The following MAEL variants were observed in gnomAD, a reference collection of about 807,000 sequenced individuals.
MAEL encodes the protein protein maelstrom homolog.
A neutral mutation model predicts 62.0 loss-of-function variants in MAEL; 46 were observed. That is an observed-to-expected ratio of 0.74 (90% CI 0.59 to 0.95). The LOEUF is 0.95. Among genes scored for constraint, MAEL ranks in the 40% least tolerant of loss-of-function variants. The pLI is 0.00. For missense variants in MAEL, 497 were observed against 526.8 expected (o/e 0.94, Z 0.55); for synonymous variants, 172 against 175.5 (o/e 0.98, Z 0.16).
At chr1:167,005,023 G>A (rs1365138243) in intron 6 of MAEL, 53 bp from the exon 7 acceptor site, 3 of 1,548,184 alleles carry the variant, frequency 1.9e-6, no homozygotes, top group Non-Finnish European at 1.8e-6. Context: ...TTCAAAGTAG[G>A]AGAAGATACA....
At chr1:166,999,034 C>G (rs1423855908) in intron 5 of MAEL, among the ~76,000 whole-genome samples, 4 of 152,172 alleles carry the variant, frequency 2.6e-5, no homozygotes, top group Non-Finnish European at 4.4e-5. Context: ...TGCCTCATCT[C>G]TTTCCCTTTC....
At chr1:167,006,756 C>T (rs570913117) in intron 8 of MAEL, among the ~76,000 whole-genome samples, 5 of 150,938 alleles carry the variant, frequency 3.3e-5, no homozygotes, top group African/African-American at 1.2e-4. Context: ...GTGCCTCAGC[C>T]TCTCGAGTAG....
At chr1:166,988,413 G>A (rs891473169), upstream of MAEL, among the ~76,000 whole-genome samples, 3 of 134,342 alleles carry the variant, frequency 2.2e-5, no homozygotes, top group African/African-American at 5.5e-5. Flanking sequence ...AAAAGATCCA[G>A]AAATTTAGCA....
intron 8 of MAEL, among the ~76,000 whole-genome samples, chr1:167,014,208 C>T (rs1665285131): frequency 6.6e-6 from 1 of 152,232 alleles, no homozygotes; most frequent in Non-Finnish European, 1.5e-5. Context: ...TGCCTGTCAT[C>T]TTCACAGCGT....
At chr1:166,977,587 T>G (rs1663630364) in intron 1 of MAEL, among the ~76,000 whole-genome samples, 1 of 152,250 alleles carries the variant, frequency 6.6e-6, no homozygotes, top group South Asian at 2.1e-4. Context: ...GCTGTGCCAT[T>G]TACTGCATCT....
intron 1 of MAEL, among the ~76,000 whole-genome samples, chr1:166,977,355 TG>T (rs1663624403): frequency 6.6e-6 from 1 of 152,218 alleles, no homozygotes; most frequent in Non-Finnish European, 1.5e-5. Context: ...CTAACACTTG[TG>T]GGTTTCCTTT....
At position 166,996,089 on chromosome 1, in the gene MAEL, G is replaced by A. The variant is rs186272335; in HGVS notation, c.523+2020G>A. ...CTTAAATTGCCAATTTGATAATCCC[G>A]GGAAATGTGCCAATTAAATAAGATA... On this transcript the variant is annotated intron_variant, in intron 5 of 11. Transcript: ENST00000367872. 1.6e-4 allele frequency among the ~76,000 whole-genome samples: 24 copies of A among 152,154 alleles called. No homozygotes were observed. The East Asian group carries it at 3.3e-3, about 21-fold the overall frequency.
At chr1:166,990,231 TTCTG>T (rs1033426991) in intron 2 of MAEL, 1 of 153,942 alleles carries the variant, frequency 6.5e-6, no homozygotes, top group Non-Finnish European at 1.4e-5. Context: ...GTTTAGACCA[TTCTG>T]TCTTTTTTTC....
chr1:166,993,254 A>G (rs1664269871), intron 4 of MAEL, among the ~76,000 whole-genome samples: 1 of 152,154 alleles, frequency 6.6e-6, no homozygotes, highest in South Asian at 2.1e-4. Flanking sequence ...CTCTGAACCT[A>G]TTAGCTCATC....
intron 1 of MAEL, among the ~76,000 whole-genome samples, chr1:166,982,746 A>G (rs995002590): frequency 1.3e-5 from 2 of 152,052 alleles, no homozygotes; most frequent in Non-Finnish European, 2.9e-5. Context: ...AGGCCCTGTA[A>G]ATCCTGTATG....
At chr1:166,989,577 G>T in intron 1 of MAEL, 93 bp downstream of exon 1, 1 of 1,520,172 alleles carries the variant, frequency 6.6e-7, no homozygotes, top group Middle Eastern at 2.0e-4. Context: ...GAGGTCAGGC[G>T]GCTTGGCCCT....
Position 167,017,862 on chromosome 1 carries a change from G to A in MAEL, c.944G>A (p.Gly315Glu). ...CISNSLATLF[G>E]IQLTEAHVPL... ...AGTAATTCTCTGGCCACTCTCTTTG[G>A]AATCCAGCTCACAGAGGCTCATGTA... The change falls in exon 10 of 12, where the codon GGA (glycine) becomes GAA (glutamate). Residue 315 changes from glycine (G) to glutamate (E), a missense_variant. Gly to Glu is a moderately conservative substitution (Grantham distance 98, BLOSUM62 -2). Coordinates refer to ENST00000367872, the MANE Select transcript of MAEL (RefSeq NM_032858.3). 6.2e-7 allele frequency: 1 copy of A among 1,612,822 alleles called. No individual in the cohort carries two copies. The highest frequency in any genetic ancestry group is 8.5e-7 in the Non-Finnish European group (1 of 1,179,298).
chr1:166,989,018 C>G (rs1483654487), upstream of MAEL: 4 of 250,816 alleles, frequency 1.6e-5, no homozygotes, highest in East Asian at 3.5e-4. Context: ...TTTTCTCTAC[C>G]TACTTTGTCG....
At chr1:166,979,620 A>T (rs1663698665) in intron 1 of MAEL, among the ~76,000 whole-genome samples, 1 of 152,236 alleles carries the variant, frequency 6.6e-6, no homozygotes, top group Non-Finnish European at 1.5e-5. Flanking sequence ...TAGACACCAC[A>T]CTATCTAGAA....
rs931959000 is a variant in MAEL, at chr1:167,002,830, G to C, written c.524-1350G>C. 3.9e-5 allele frequency among the ~76,000 whole-genome samples: 6 copies of C among 152,052 alleles called. No homozygotes were observed. The East Asian group carries it at 1.2e-3, about 29-fold the overall frequency. On this transcript the variant is annotated intron_variant, in intron 5 of 11. Coordinates refer to ENST00000367872, the MANE Select transcript of MAEL (RefSeq NM_032858.3). ...AAGTAATATTGCAATAAAATATTTA[G>C]TTCTTACCAGCTCTGAGTTTATTGG...
At chr1:166,977,689 C>G (rs1418309057) in intron 1 of MAEL, among the ~76,000 whole-genome samples, 10 of 152,222 alleles carry the variant, frequency 6.6e-5, no homozygotes, top group Admixed American at 5.2e-4. Flanking sequence ...TGCAGTGGCT[C>G]ACACCTGTAA....
intron 10 of MAEL, 108 bp downstream of exon 10, chr1:167,018,067 C>A: frequency 2.0e-6 from 2 of 1,022,814 alleles, no homozygotes; most frequent in Non-Finnish European, 1.4e-6. Context: ...TTTCCCTCCC[C>A]TTAAACATTA....
chr1:167,018,239 A>G (rs1175093728), intron 10 of MAEL, among the ~76,000 whole-genome samples: 2 of 152,202 alleles, frequency 1.3e-5, no homozygotes, highest in African/African-American at 2.4e-5. Context: ...ATTTATTCCA[A>G]AAATTAAATA....
intron 1 of MAEL, among the ~76,000 whole-genome samples, chr1:166,982,676 T>C (rs1345901964): frequency 2.0e-5 from 3 of 152,150 alleles, no homozygotes; most frequent in Non-Finnish European, 2.9e-5. Flanking sequence ...AAAAAAGTAA[T>C]AGTCATCCAA....
Sources: allele counts gnomAD v4.1 joint callset (sites outside exome capture counted in the v4.1 genomes callset), GRCh38; gene constraint gnomAD v4.1.1; transcripts MANE v1.5; gene names NCBI Gene and HGNC (gene_info 2026-07-23, HGNC 2026-07-21).